The following RFC3 variants were observed in gnomAD, a reference collection of about 807,000 sequenced individuals.
RFC3 encodes the protein A1 38 kDa subunit.
In RFC3, 41 loss-of-function variants were observed where a neutral mutation model predicts 45.1. The ratio of observed to expected loss-of-function variants is 0.91; its 90% confidence interval spans 0.71 to 1.18. RFC3 has a LOEUF of 1.18. Among genes scored for constraint, RFC3 ranks in the 50% most tolerant of loss-of-function variants. The pLI is 0.00. For synonymous variants in RFC3, 149 were observed against 144.0 expected, an observed-to-expected ratio of 1.03 and a Z score of -0.25; for missense variants, 423 against 428.1, an observed-to-expected ratio of 0.99 and a Z score of 0.10.
rs1332760819 is a variant in RFC3 at position 33,874,266 on chromosome 13, G to T, written c.879+39049G>T. Among the ~76,000 whole-genome samples, 5 of 152,146 alleles carry T rather than the reference G, an allele frequency of 3.3e-5. No individual in the cohort carries two copies. The East Asian group carries it at 9.6e-4, about 29-fold the overall frequency. On this transcript the variant is annotated intron_variant, in intron 8 of 8. Coordinates refer to the RFC3 transcript ENST00000434425. ...GTGACAGCAGAGGCAGCGTGATGGG[G>T]ACACTGGCCCAGCAATGCCACTAAC...
intron 8 of RFC3, among the ~76,000 whole-genome samples, chr13:33,882,037 A>T (rs960963533): frequency 2.0e-5 from 3 of 152,218 alleles, no homozygotes; most frequent in African/African-American, 7.2e-5. Flanking sequence ...CTTCTCTGCA[A>T]ATTGGGGGGA....
chr13:33,862,471 G>A (rs961668906), intron 8 of RFC3, among the ~76,000 whole-genome samples: 1 of 151,968 alleles, frequency 6.6e-6, no homozygotes, highest in Admixed American at 6.6e-5. Flanking sequence ...TTTATGATTA[G>A]ACTTATTCAT....
intron 8 of RFC3, among the ~76,000 whole-genome samples, chr13:33,877,951 G>C (rs1395267613): frequency 1.3e-5 from 2 of 151,446 alleles, no homozygotes; most frequent in African/African-American, 4.8e-5. Context: ...AAGAAATTCA[G>C]GTTTCTACTC....
chr13:33,958,159 G>T (rs2083033541), intron 8 of RFC3, among the ~76,000 whole-genome samples: 1 of 152,198 alleles, frequency 6.6e-6, no homozygotes, highest in Non-Finnish European at 1.5e-5. Flanking sequence ...GTGAAGTTAA[G>T]ACATCAAAGT....
intron 8 of RFC3, among the ~76,000 whole-genome samples, chr13:33,881,008 A>G (rs1297409404): frequency 6.6e-6 from 1 of 152,174 alleles, no homozygotes; most frequent in East Asian, 1.9e-4. Context: ...GTGAGCTGAG[A>G]TCGTGCCCTT....
intron 8 of RFC3, among the ~76,000 whole-genome samples, chr13:33,910,865 G>C (rs547883207): frequency 2.6e-5 from 4 of 151,958 alleles, no homozygotes; most frequent in Non-Finnish European, 2.9e-5. Context: ...GAAGGCAAAG[G>C]GGGAGCAGAG....
intron 8 of RFC3, among the ~76,000 whole-genome samples, chr13:33,906,829 T>G (rs1258681276): frequency 3.3e-5 from 5 of 152,024 alleles, no homozygotes; most frequent in Non-Finnish European, 7.4e-5. Flanking sequence ...ATAATATCTA[T>G]TAGGATGATT....
intron 8 of RFC3, among the ~76,000 whole-genome samples, chr13:33,886,803 G>C (rs1166837613): frequency 8.8e-6 from 1 of 113,356 alleles, no homozygotes; most frequent in African/African-American, 3.4e-5. Flanking sequence ...CCCCACAACA[G>C]TCCCCAGAGT....
downstream of RFC3, among the ~76,000 whole-genome samples, chr13:33,970,151 C>CAT (rs1466100670): frequency 2.0e-5 from 3 of 152,224 alleles, no homozygotes; most frequent in African/African-American, 7.2e-5. Context: ...GTGTTCTCAT[C>CAT]ATTCACTATC....
At chr13:33,860,720 C>G (rs1009160773) in intron 8 of RFC3, among the ~76,000 whole-genome samples, 1 of 152,194 alleles carries the variant, frequency 6.6e-6, no homozygotes, top group African/African-American at 2.4e-5. Flanking sequence ...GCATGAGTCC[C>G]TGTCATGATT....
chr13:33,876,834 G>A (rs1156526375), intron 8 of RFC3, among the ~76,000 whole-genome samples: 1 of 152,156 alleles, frequency 6.6e-6, no homozygotes. Context: ...TGGCCAGATC[G>A]AGCTAGATTT....
intron 8 of RFC3, among the ~76,000 whole-genome samples, chr13:33,963,980 G>A (rs915646820): frequency 6.6e-6 from 1 of 152,130 alleles, no homozygotes; most frequent in African/African-American, 2.4e-5. Flanking sequence ...TCTGCCCTCC[G>A]CCTTCAAGCT....
At chr13:33,838,455 C>G (rs1007649793), downstream of RFC3, among the ~76,000 whole-genome samples, 1 of 152,150 alleles carries the variant, frequency 6.6e-6, no homozygotes, top group African/African-American at 2.4e-5. Flanking sequence ...ACCCCCACCA[C>G]TTTGAATATG....
intron 8 of RFC3, among the ~76,000 whole-genome samples, chr13:33,888,637 A>T (rs1378065308): frequency 6.6e-6 from 1 of 152,186 alleles, no homozygotes; most frequent in Non-Finnish European, 1.5e-5. Context: ...AATTATCCAG[A>T]TCTCATATAG....
At chr13:33,859,826 C>T (rs909481590) in intron 8 of RFC3, among the ~76,000 whole-genome samples, 1 of 152,152 alleles carries the variant, frequency 6.6e-6, no homozygotes, top group African/African-American at 2.4e-5. Context: ...TCACTTCTGT[C>T]TGGGCATGTT....
At chr13:33,976,311 G>T in the RFC3 span, among the ~76,000 whole-genome samples, 1 of 152,138 alleles carries the variant, frequency 6.6e-6, no homozygotes, top group Non-Finnish European at 1.5e-5. Context: ...ATTATGTTAA[G>T]TGAAATAAGC....
chr13:33,846,229 A>AC (rs1665123120), intron 8 of RFC3: 2 of 152,300 alleles, frequency 1.3e-5, no homozygotes, highest in Admixed American at 1.3e-4. Flanking sequence ...TGAAGCCAGA[A>AC]CATCTCTGAG....
At chr13:33,944,511 TAG>T (rs1308345397) in intron 8 of RFC3, among the ~76,000 whole-genome samples, 1 of 152,144 alleles carries the variant, frequency 6.6e-6, no homozygotes, top group African/African-American at 2.4e-5. Context: ...GTTTAAGCCC[TAG>T]AAACTGTTGG....
the RFC3 span, among the ~76,000 whole-genome samples, chr13:33,971,852 C>T: frequency 9.2e-5 from 14 of 152,286 alleles, no homozygotes; most frequent in African/African-American, 2.9e-4. Context: ...TGGCTCACGC[C>T]TGTAATCCTA....
Sources: gnomAD v4.1 joint callset for allele counts (sites outside exome capture counted in the v4.1 genomes callset) on GRCh38, gnomAD v4.1.1 for gene constraint, MANE v1.5 for transcripts, NCBI Gene and HGNC (gene_info 2026-07-23, HGNC 2026-07-21) for gene names.